RGS7: variants seen among roughly 807,000 people sequenced by gnomAD.
RGS7 encodes regulator of G protein signaling 7.
Under a neutral mutation model 81.1 loss-of-function variants are expected in RGS7, and 27 were observed. That is an observed-to-expected ratio of 0.33 (90% CI 0.25 to 0.46). The LOEUF (loss-of-function observed/expected upper bound fraction) is 0.46, where lower values mean the gene tolerates loss of function less well. RGS7 is among the 20% of genes least tolerant of loss of function. The probability of loss-of-function intolerance (pLI) is 1.00; values close to 1 mark genes in which losing one functional copy is unlikely to be tolerated. For synonymous variants in RGS7, 208 were observed against 207.7 expected, an observed-to-expected ratio of 1.00 and a Z score of -0.01; for missense variants, 396 against 607.4, an observed-to-expected ratio of 0.65 and a Z score of 3.66.
intron 2 of RGS7, among the ~76,000 whole-genome samples, chr1:241,294,677 G>A (rs892303074): frequency 6.6e-6 from 1 of 152,154 alleles, no homozygotes; most frequent in African/African-American, 2.4e-5. Flanking sequence ...CATGGCAAGT[G>A]CCCTATATGG....
At chr1:240,824,901 G>A (rs893699009) in intron 10 of RGS7, among the ~76,000 whole-genome samples, 3 of 152,076 alleles carry the variant, frequency 2.0e-5, no homozygotes, top group Non-Finnish European at 4.4e-5. Flanking sequence ...TGCACACACA[G>A]GAAAAGCCAC....
rs555587478 is a variant in RGS7 at position 241,004,286 on chromosome 1, T to G, written c.176-21157A>C. ...CTTACTGCTGCTTGGTAATTCATTT[T>G]CCACCAATTTGTTCTCTCCTTTTGT... On this transcript the variant is annotated intron_variant, in intron 3 of 18. Coordinates refer to ENST00000440928, the MANE Select transcript of RGS7 (RefSeq NM_001364886.1). Among the ~76,000 whole-genome samples, 81 of 152,262 alleles carry G rather than the reference T, an allele frequency of 5.3e-4. 3 individuals are homozygous for G. The South Asian group carries it at 0.017, about 31-fold the overall frequency.
intron 2 of RGS7, among the ~76,000 whole-genome samples, chr1:241,257,158 T>C (rs935413926): frequency 1.3e-5 from 2 of 152,066 alleles, no homozygotes; most frequent in Non-Finnish European, 2.9e-5. Flanking sequence ...AACAGGAACT[T>C]ATTTCTCATA....
chr1:240,806,598 A>T (rs1046866011), intron 14 of RGS7, among the ~76,000 whole-genome samples: 2 of 151,212 alleles, frequency 1.3e-5, no homozygotes, highest in Admixed American at 6.6e-5. Context: ...ATAAAGAAAC[A>T]TGAAAAACTC....
At chr1:241,171,660 T>G (rs6429246) in intron 2 of RGS7, among the ~76,000 whole-genome samples, 24,631 of 152,100 alleles carry the variant, frequency 0.16, 2,841 homozygotes, top group African/African-American at 0.32. Flanking sequence ...ACCTGCCATT[T>G]AATTACACCA....
At chr1:240,796,089 A>G (rs1329396983) in intron 18 of RGS7, among the ~76,000 whole-genome samples, 3 of 152,138 alleles carry the variant, frequency 2.0e-5, no homozygotes, top group African/African-American at 4.8e-5. Flanking sequence ...ACCCGGCCTT[A>G]AATGATTTTT....
intron 6 of RGS7, among the ~76,000 whole-genome samples, chr1:240,878,489 CTTTT>C (rs57896753): frequency 4.3e-5 from 5 of 117,580 alleles, no homozygotes; most frequent in African/African-American, 6.2e-5. Context: ...TTTTTTCTTT[CTTTT>C]TTTTTTTTTT....
rs540166860 is a variant in RGS7 at position 240,898,173 on chromosome 1, C to T, written c.386-28054G>A. On this transcript the variant is annotated intron_variant, in intron 6 of 18. Coordinates refer to ENST00000440928, the MANE Select transcript of RGS7 (RefSeq NM_001364886.1). ...TTGCATCTATTTGATTCTTCTCTCTCTTCTTCTTGATTAGTCTTGCTAGTG... is the reference window on the plus strand; with the variant it reads ...TTGCATCTATTTGATTCTTCTCTCTTTTCTTCTTGATTAGTCTTGCTAGTG... 7.2e-5 allele frequency among the ~76,000 whole-genome samples: 11 copies of T among 152,128 alleles called. No individual in the cohort carries two copies. The East Asian group carries it at 2.1e-3, about 29-fold the overall frequency.
chr1:240,776,278 A>G, intron 18 of RGS7, 65 bp from the exon 19 acceptor site: 2 of 1,166,854 alleles, frequency 1.7e-6, no homozygotes, highest in Non-Finnish European at 2.6e-6. Flanking sequence ...AAACCTGCTT[A>G]GTAGTAGCAA....
intron 9 of RGS7, among the ~76,000 whole-genome samples, chr1:240,836,738 T>C (rs1477511119): frequency 6.6e-6 from 1 of 152,248 alleles, no homozygotes; most frequent in Non-Finnish European, 1.5e-5. Context: ...GCCCTTGGCC[T>C]GTCCTTTTGT....
rs1301433362 is a variant in RGS7, at chr1:241,144,997, C to G, written c.79-46235G>C. ...CATTCTTCCTGTTCCTGTTTTCCCA[C>G]CTCAGCCTTGGGTGTCGATGAAACT... is the stretch of plus-strand genomic sequence containing the variant. On this transcript the variant is annotated intron_variant, in intron 2 of 18. Transcript: ENST00000440928. This position sits in a 1 kb window ranked among gnomAD's most constrained non-coding sequence, Gnocchi z 4.7. Among the ~76,000 whole-genome samples, 4 of 148,022 alleles carry G rather than the reference C, an allele frequency of 2.7e-5. No homozygotes were observed. Among genetic ancestry groups the G allele is most frequent in the African/African-American group, 1.0e-4 (4 of 38,270 alleles).
intron 2 of RGS7, among the ~76,000 whole-genome samples, chr1:241,296,713 A>G (rs1673995226): frequency 1.3e-5 from 2 of 152,204 alleles, no homozygotes; most frequent in African/African-American, 4.8e-5. Flanking sequence ...TGTGGCCTGC[A>G]TGGAAATGAA....
chr1:240,963,433 A>C (rs1302238104), intron 4 of RGS7, among the ~76,000 whole-genome samples: 1 of 152,180 alleles, frequency 6.6e-6, no homozygotes, highest in Non-Finnish European at 1.5e-5. Flanking sequence ...AAAACCCTGA[A>C]AGTTAAGAGG....
chr1:240,879,120 C>T (rs377455467), intron 6 of RGS7, among the ~76,000 whole-genome samples: 4 of 152,202 alleles, frequency 2.6e-5, no homozygotes, highest in African/African-American at 4.8e-5. Context: ...TTTGCCAATC[C>T]GGCTTGAGAG....
chr1:241,237,547 T>C (rs1023602770), intron 2 of RGS7, among the ~76,000 whole-genome samples: 3 of 152,176 alleles, frequency 2.0e-5, no homozygotes, highest in African/African-American at 7.2e-5. Flanking sequence ...GAAACTGAGA[T>C]TCCACCAGAC....
chr1:241,086,340 C>T (rs1020734338), intron 3 of RGS7, among the ~76,000 whole-genome samples: 2 of 152,168 alleles, frequency 1.3e-5, no homozygotes, highest in African/African-American at 4.8e-5. Flanking sequence ...CATTCATTGT[C>T]AAAGTCATAC....
chr1:241,184,123 G>A (rs185011590), intron 2 of RGS7, among the ~76,000 whole-genome samples: 1 of 152,148 alleles, frequency 6.6e-6, no homozygotes, highest in Admixed American at 6.5e-5. Context: ...GAGAAATAAT[G>A]AATGTCATTT....
rs566596405 is a variant in RGS7 at position 241,251,092 on chromosome 1, G to A, written c.78+104607C>T. On this transcript the variant is annotated intron_variant, in intron 2 of 18. Coordinates refer to ENST00000440928, the MANE Select transcript of RGS7 (RefSeq NM_001364886.1). ...AAACCTTCTGTTTTCGCATTAAATC[G>A]TGAACCTTTTGAAAGTATCTACACA... Among the ~76,000 whole-genome samples the A allele has an allele frequency of 4.6e-5, 7 of 152,070 alleles. No homozygotes were observed. In the South Asian group the frequency reaches 1.0e-3, roughly 23 times the overall value.
Position 241,068,238 on chromosome 1 carries a change from G to GTGTATATATATA in RGS7, c.175+30427_175+30428insTATATATATACA. Reference sequence around the variant, plus strand: ...CTATCCATAAATTGTGTGTGTGTGTGTATATATATATATATATATAAAATA... The same window carrying GTGTATATATATA: ...CTATCCATAAATTGTGTGTGTGTGTGTGTATATATATATATATATATATATATATATAAAATA... On this transcript the variant is annotated intron_variant, in intron 3 of 18. Coordinates refer to ENST00000440928, the MANE Select transcript of RGS7 (RefSeq NM_001364886.1). 5.0e-4 allele frequency among the ~76,000 whole-genome samples: 18 copies of GTGTATATATATA among 35,676 alleles called. 2 individuals are homozygous for GTGTATATATATA. In the East Asian group the frequency reaches 0.081, roughly 161 times the overall value. The allele number at this position is 35,676 out of a possible 152,430, so 23.4% of individuals were successfully genotyped here. A position where few individuals can be genotyped will look rare whatever the true frequency, so the allele number is the denominator to read the frequency against.
Sources: gnomAD v4.1 joint callset for allele counts (sites outside exome capture counted in the v4.1 genomes callset) on GRCh38, gnomAD v4.1.1 for gene constraint, Gnocchi (gnomAD v3.1) non-coding constraint, MANE v1.5 for transcripts, NCBI Gene and HGNC (gene_info 2026-07-23, HGNC 2026-07-21) for gene names.